RRM1: variants seen among roughly 807,000 people sequenced by gnomAD.
The protein encoded by RRM1 is ribonucleoside-diphosphate reductase large subunit.
RRM1 carries 19 observed loss-of-function variants against 101.5 expected under a neutral mutation model. That is an observed-to-expected ratio of 0.19 (90% CI 0.13 to 0.27). The LOEUF is 0.27. Among genes scored for constraint, RRM1 ranks in the 10% least tolerant of loss-of-function variants. The pLI is 1.00. For synonymous variants in RRM1, 298 were observed against 323.4 expected (o/e 0.92, Z 0.84); for missense variants, 500 against 962.9 (o/e 0.52, Z 6.36).
intron 5 of RRM1, among the ~76,000 whole-genome samples, chr11:4,110,151 TA>T (rs370948665): frequency 9.2e-4 from 140 of 151,840 alleles, no homozygotes; most frequent in African/African-American, 2.5e-3. Context: ...CAAATTTAAT[TA>T]AAAAAAAATT....
rs371939147 is a variant in RRM1, at chr11:4,133,058, T to C, written c.1906-505T>C. On this transcript the variant is annotated intron_variant, in intron 16 of 18. Coordinates refer to ENST00000300738, the MANE Select transcript of RRM1 (RefSeq NM_001033.5). ...TATGTTTCTTTTTTAATGAAAATATTTTTTCAGCTTTATTAAGGTATAATT... is the reference window on the plus strand; with the variant it reads ...TATGTTTCTTTTTTAATGAAAATATCTTTTCAGCTTTATTAAGGTATAATT... Among the ~76,000 whole-genome samples, 6 of 152,332 alleles carry C rather than the reference T, an allele frequency of 3.9e-5. No homozygotes were observed. The East Asian group carries it at 1.2e-3, about 29-fold the overall frequency.
At chr11:4,129,001 T>G in intron 14 of RRM1, 73 bp from the exon 15 acceptor site, 2 of 813,390 alleles carry the variant, frequency 2.5e-6, no homozygotes, top group Non-Finnish European at 3.8e-6. Flanking sequence ...CAGCTAGTCA[T>G]TTGTGGGTTT....
At position 4,094,882 on chromosome 11, in the gene RRM1, C is replaced by T; in HGVS notation, c.-131C>T. The T allele has an allele frequency of 2.1e-6, 2 of 935,922 alleles. No individual in the cohort carries two copies. The highest frequency in any genetic ancestry group is 3.4e-6 in the Non-Finnish European group (2 of 591,216). The allele number at this position is 935,922 out of a possible 1,614,324, so 58.0% of individuals were successfully genotyped here. A position where few individuals can be genotyped will look rare whatever the true frequency, so the allele number is the denominator to read the frequency against. On this transcript the variant is annotated 5_prime_UTR_variant, in exon 1 of 19. Transcript: ENST00000300738. ...CTCTGAAGAAAGTGCTGTCTGGCTCCAACTCCAGTTCTTTCCCCTGAGCAG... is the reference window on the plus strand; with the variant it reads ...CTCTGAAGAAAGTGCTGTCTGGCTCTAACTCCAGTTCTTTCCCCTGAGCAG...
chr11:4,095,055 A>G (rs202005020), intron 1 of RRM1, 24 bp downstream of exon 1: 626 of 1,564,626 alleles, frequency 4.0e-4, no homozygotes, highest in Non-Finnish European at 4.6e-4. Flanking sequence ...GAGGTGGGCG[A>G]GAAGGAAGGT....
intron 7 of RRM1, among the ~76,000 whole-genome samples, chr11:4,115,139 C>T (rs1189156627): frequency 2.0e-5 from 3 of 152,034 alleles, no homozygotes; most frequent in Non-Finnish European, 4.4e-5. Flanking sequence ...CAAAGTAATT[C>T]TAGGCAAAAT....
chr11:4,129,494 T>C (rs1043561036), intron 15 of RRM1, among the ~76,000 whole-genome samples: 2 of 152,162 alleles, frequency 1.3e-5, no homozygotes, highest in African/African-American at 4.8e-5. Context: ...TTTTTCATTC[T>C]TATTTATTTC....
chr11:4,112,079 G>A lies in RRM1; in HGVS notation c.650+17G>A. 1 of 1,604,152 alleles carries A rather than the reference G, an allele frequency of 6.2e-7. No homozygotes were observed. The highest frequency in any genetic ancestry group is 8.5e-7 in the Non-Finnish European group (1 of 1,174,276). ...ACTTTCTAGGTAGGTGTTTTGAGTA[G>A]GGAAATACGCCTTGACCTGAAGAAA... On this transcript the variant is annotated intron_variant, in intron 7 of 18. Transcript: ENST00000300738.
At chr11:4,131,250 A>G (rs1470625082) in intron 15 of RRM1, among the ~76,000 whole-genome samples, 2 of 152,216 alleles carry the variant, frequency 1.3e-5, no homozygotes, top group Non-Finnish European at 2.9e-5. Flanking sequence ...AGAACTCACT[A>G]TCTCATGAGA....
intron 15 of RRM1, 64 bp downstream of exon 15, chr11:4,129,214 C>T: frequency 1.1e-6 from 1 of 929,456 alleles, no homozygotes; most frequent in Non-Finnish European, 1.7e-6. Context: ...TCTGGATCTT[C>T]AGAAGTTAGA....
chr11:4,128,413 A>C (rs1005359522), intron 14 of RRM1, among the ~76,000 whole-genome samples: 5 of 152,124 alleles, frequency 3.3e-5, no homozygotes, highest in Non-Finnish European at 7.4e-5. Flanking sequence ...CACCTGGCGT[A>C]ATCTTCCTTT....
intron 2 of RRM1, among the ~76,000 whole-genome samples, chr11:4,104,928 T>C (rs1305134588): frequency 6.6e-6 from 1 of 152,194 alleles, no homozygotes; most frequent in African/African-American, 2.4e-5. Context: ...AAAGTAAGTA[T>C]GGAGCTGGAG....
intron 17 of RRM1, 94 bp downstream of exon 17, chr11:4,133,752 T>A (rs1413386363): frequency 1.0e-5 from 7 of 696,028 alleles, no homozygotes; most frequent in Non-Finnish European, 1.7e-5. Context: ...AATGACTTCA[T>A]TGTGTTCATC....
rs550733508 is a variant in RRM1 at position 4,102,178 on chromosome 11, G to C, written c.108+97G>C. 96 of 702,018 alleles carry C rather than the reference G, an allele frequency of 1.4e-4. No individual in the cohort carries two copies. The African/African-American group carries it at 1.4e-3, about 10-fold the overall frequency. The allele number at this position is 702,018 out of a possible 1,614,324, so 43.5% of individuals were successfully genotyped here. On this transcript the variant is annotated intron_variant, in intron 2 of 18. Transcript: ENST00000300738. Reference sequence around the variant, plus strand: ...ACCTTCATTCACCTGATATACTTTGGTATTCTGGCTATGCCCTTCGATATA... The same window carrying C: ...ACCTTCATTCACCTGATATACTTTGCTATTCTGGCTATGCCCTTCGATATA...
chr11:4,116,948 C>CA, intron 7 of RRM1, among the ~76,000 whole-genome samples: 1 of 147,820 alleles, frequency 6.8e-6, no homozygotes, highest in South Asian at 2.1e-4. Context: ...GCCTGGGTAA[C>CA]AGAGTTAAAC....
At chr11:4,102,749 G>T (rs1188824743) in intron 2 of RRM1, among the ~76,000 whole-genome samples, 4 of 151,750 alleles carry the variant, frequency 2.6e-5, no homozygotes, top group African/African-American at 7.3e-5. Context: ...TGTTATTTAT[G>T]TAAAAAGATT....
In RRM1 at chr11:4,102,025, A is replaced by AG; in HGVS notation, c.52_53insG (p.Ile18SerfsTer18). 1 of 1,605,868 alleles carries AG rather than the reference A, an allele frequency of 6.2e-7. No homozygotes were observed. Reference sequence around the variant, plus strand: ...CCAAGAACGAGTCATGTTTGACAAAATTACATCTCGAATCCAGAAGCTTTG... The same window carrying AG: ...CCAAGAACGAGTCATGTTTGACAAAAGTTACATCTCGAATCCAGAAGCTTTG... On this transcript the variant is annotated frameshift_variant, in exon 2 of 19. Transcript: ENST00000300738. LOFTEE classifies it high-confidence loss of function.
chr11:4,108,042 A>G, intron 4 of RRM1, among the ~76,000 whole-genome samples: 1 of 152,240 alleles, frequency 6.6e-6, no homozygotes, highest in African/African-American at 2.4e-5. Context: ...AAATCCCTTC[A>G]GTAGAATTGC....
At chr11:4,129,851 A>G (rs1199731990) in intron 15 of RRM1, among the ~76,000 whole-genome samples, 1 of 151,836 alleles carries the variant, frequency 6.6e-6, no homozygotes, top group Non-Finnish European at 1.5e-5. Context: ...AAATTGTTAA[A>G]TTAAAATTGT....
At position 4,132,590 on chromosome 11, in the gene RRM1, A is replaced by C. The variant is rs573248217; in HGVS notation, c.1905+169A>C. 6.6e-6 allele frequency among the ~76,000 whole-genome samples: 1 copy of C among 152,334 alleles called. No homozygotes were observed. The highest frequency in any genetic ancestry group is 1.9e-4 in the East Asian group (1 of 5,190). ...TTATTTGTTATTAATATTTCAGCAC[A>C]ATAGGCATTTAATAAATAATCTGTT... On this transcript the variant is annotated intron_variant, in intron 16 of 18. Transcript: ENST00000300738. This position sits in a 1 kb window ranked among gnomAD's most constrained non-coding sequence, Gnocchi z 4.1.
Sources: allele counts gnomAD v4.1 joint callset (sites outside exome capture counted in the v4.1 genomes callset), GRCh38; gene constraint gnomAD v4.1.1; non-coding constraint Gnocchi (gnomAD v3.1); transcripts MANE v1.5; gene names NCBI Gene and HGNC (gene_info 2026-07-23, HGNC 2026-07-21).